The following CNTN4 variants were observed in gnomAD, a reference collection of about 807,000 sequenced individuals.
The protein encoded by CNTN4 is contactin-4.
Under a neutral mutation model 122.5 loss-of-function variants are expected in CNTN4, and 77 were observed. The observed-to-expected ratio is 0.63, with a 90% CI of 0.52 to 0.76. The LOEUF is 0.76. Among genes scored for constraint, CNTN4 ranks in the 30% least tolerant of loss-of-function variants. CNTN4 has a pLI of 0.00. For missense variants in CNTN4, 1,256 were observed against 1,259.1 expected (o/e 1.00, Z 0.04); for synonymous variants, 512 against 447.0 (o/e 1.15, Z -1.83).
At chr3:2,569,907 T>G (rs984396525) in intron 3 of CNTN4, among the ~76,000 whole-genome samples, 1 of 152,078 alleles carries the variant, frequency 6.6e-6, no homozygotes, top group African/African-American at 2.4e-5. Flanking sequence ...TATATGAAAT[T>G]CTCAGTAACA....
intron 13 of CNTN4, among the ~76,000 whole-genome samples, chr3:2,944,149 T>G (rs544206290): frequency 7.9e-5 from 12 of 151,340 alleles, no homozygotes; most frequent in East Asian, 1.9e-4. Flanking sequence ...AATGAATTTT[T>G]GGGGGGTTTT....
intron 8 of CNTN4, among the ~76,000 whole-genome samples, chr3:2,877,826 C>A (rs1313719879): frequency 6.6e-6 from 1 of 152,034 alleles, no homozygotes; most frequent in Non-Finnish European, 1.5e-5. Flanking sequence ...TTTTAAGGGG[C>A]CTTTCATTTC....
At chr3:2,165,574 A>G (rs1330766585) in intron 2 of CNTN4, among the ~76,000 whole-genome samples, 3 of 152,146 alleles carry the variant, frequency 2.0e-5, no homozygotes, top group South Asian at 2.1e-4. Flanking sequence ...CAAGTATACA[A>G]TACATTATTA....
At chr3:2,554,654 C>T (rs768208908) in intron 3 of CNTN4, among the ~76,000 whole-genome samples, 4 of 152,002 alleles carry the variant, frequency 2.6e-5, no homozygotes, top group Non-Finnish European at 5.9e-5. Flanking sequence ...CACTACTTGC[C>T]TCTGCTATAG....
rs543813499 is a variant in CNTN4 at position 2,375,719 on chromosome 3, C to A, written c.-89+36486C>A. On this transcript the variant is annotated intron_variant, in intron 3 of 24. Coordinates refer to ENST00000418658, the MANE Select transcript of CNTN4 (RefSeq NM_175607.3). ...TTTTTTCTTGATCAGTCTTCAGTCA[C>A]TATTTTTATATCATGAAGTGTTACC... Among the ~76,000 whole-genome samples, 78 of 152,286 alleles carry A rather than the reference C, an allele frequency of 5.1e-4. 2 individuals carry two copies. The highest frequency in any genetic ancestry group is 3.4e-3 in the Middle Eastern group (1 of 294).
intron 3 of CNTN4, among the ~76,000 whole-genome samples, chr3:2,559,411 G>T (rs927595541): frequency 2.0e-5 from 3 of 152,078 alleles, no homozygotes; most frequent in Non-Finnish European, 4.4e-5. Context: ...GGTAGGGAAA[G>T]GTATACTAAA....
intron 4 of CNTN4, among the ~76,000 whole-genome samples, chr3:2,698,376 T>A (rs2086164105): frequency 6.6e-6 from 1 of 152,188 alleles, no homozygotes; most frequent in African/African-American, 2.4e-5. Context: ...TCTGGAACTT[T>A]GCAAGGCACT....
At chr3:2,890,702 T>G (rs1874960) in intron 10 of CNTN4, among the ~76,000 whole-genome samples, 62,778 of 151,606 alleles carry the variant, frequency 0.41, 13,371 homozygotes, top group East Asian at 0.58. Flanking sequence ...CCTATTGCCC[T>G]TTGGTTTGTC....
chr3:2,122,834 G>A (rs1042645537), intron 2 of CNTN4, among the ~76,000 whole-genome samples: 29 of 152,244 alleles, frequency 1.9e-4, no homozygotes, highest in African/African-American at 5.8e-4. Flanking sequence ...ACAAGTGATC[G>A]TGTACCCAGG....
At chr3:2,651,680 C>T (rs1410907151) in intron 4 of CNTN4, among the ~76,000 whole-genome samples, 1 of 151,752 alleles carries the variant, frequency 6.6e-6, no homozygotes, top group Non-Finnish European at 1.5e-5. Context: ...GGGAGACCTC[C>T]ATCTCTACAA....
rs570105589 is a variant in CNTN4 at position 2,453,845 on chromosome 3, T to C, written c.-89+114612T>C. Among the ~76,000 whole-genome samples, 41 of 152,276 alleles carry C rather than the reference T, an allele frequency of 2.7e-4. No individual in the cohort carries two copies. In the South Asian group the frequency reaches 8.5e-3, roughly 32 times the overall value. Reference sequence around the variant, plus strand: ...AGAGTGAATTATAGTTTGGTTAATATGCAAAATCATTAAGATGGTTTGACT... The same window carrying C: ...AGAGTGAATTATAGTTTGGTTAATACGCAAAATCATTAAGATGGTTTGACT... On this transcript the variant is annotated intron_variant, in intron 3 of 24. Transcript: ENST00000418658.
At chr3:2,790,034 C>G (rs1350348784) in intron 6 of CNTN4, among the ~76,000 whole-genome samples, 1 of 152,186 alleles carries the variant, frequency 6.6e-6, no homozygotes, top group Admixed American at 6.5e-5. Flanking sequence ...TAGTGCTTTG[C>G]ATTTACCACA....
intron 6 of CNTN4, among the ~76,000 whole-genome samples, chr3:2,771,126 C>T (rs920042097): frequency 6.6e-6 from 1 of 152,158 alleles, no homozygotes; most frequent in South Asian, 2.1e-4. Context: ...ATTAAAGTTA[C>T]CCTCAGAATT....
At chr3:2,278,891 A>G (rs539555195) in intron 2 of CNTN4, among the ~76,000 whole-genome samples, 3 of 152,024 alleles carry the variant, frequency 2.0e-5, no homozygotes, top group African/African-American at 7.3e-5. Context: ...AAATAAATTC[A>G]ATATTTATCT....
At chr3:2,988,733 C>T (rs1402473573) in intron 14 of CNTN4, 14 of 435,258 alleles carry the variant, frequency 3.2e-5, no homozygotes, top group Admixed American at 3.6e-5. Flanking sequence ...AGTATTGTAA[C>T]GAATGTTATC....
At chr3:2,801,508 A>T (rs974107478) in intron 6 of CNTN4, among the ~76,000 whole-genome samples, 5 of 152,220 alleles carry the variant, frequency 3.3e-5, no homozygotes, top group African/African-American at 1.2e-4. Flanking sequence ...TCAATTAAAT[A>T]AGATAATTTT....
intron 3 of CNTN4, among the ~76,000 whole-genome samples, chr3:2,413,281 G>C (rs147378036): frequency 9.2e-4 from 140 of 152,252 alleles, no homozygotes; most frequent in African/African-American, 3.3e-3. Flanking sequence ...GTTTAAATTA[G>C]TTCAACAATG....
chr3:2,785,174 A>G (rs2091765648), intron 6 of CNTN4, among the ~76,000 whole-genome samples: 1 of 151,068 alleles, frequency 6.6e-6, no homozygotes, highest in African/African-American at 2.5e-5. Flanking sequence ...GAGAGATTTA[A>G]TATGATAAAT....
chr3:2,428,186 G>T (rs560288332), intron 3 of CNTN4, among the ~76,000 whole-genome samples: 95 of 152,238 alleles, frequency 6.2e-4, no homozygotes, highest in African/African-American at 2.3e-3. Flanking sequence ...TTACAATTTG[G>T]CATGTTTTTG....
Sources: gnomAD v4.1 joint callset for allele counts (sites outside exome capture counted in the v4.1 genomes callset) on GRCh38, gnomAD v4.1.1 for gene constraint, MANE v1.5 for transcripts, NCBI Gene and HGNC (gene_info 2026-07-23, HGNC 2026-07-21) for gene names.